CEP83: variants seen among roughly 807,000 people sequenced by gnomAD.
CEP83 encodes the protein centrosomal protein of 83 kDa.
In CEP83, 70 loss-of-function variants were observed where a neutral mutation model predicts 101.9. The observed-to-expected ratio is 0.69, with a 90% CI of 0.57 to 0.84. The LOEUF (loss-of-function observed/expected upper bound fraction) is 0.84, where lower values mean the gene tolerates loss of function less well. Among genes scored for constraint, CEP83 ranks in the 40% least tolerant of loss-of-function variants. The probability of loss-of-function intolerance (pLI) is 0.00; values close to 1 mark genes in which losing one functional copy is unlikely to be tolerated. For synonymous variants in CEP83, 264 were observed against 267.9 expected, an observed-to-expected ratio of 0.99 and a Z score of 0.14; for missense variants, 715 against 787.2, an observed-to-expected ratio of 0.91 and a Z score of 1.10.
chr12:94,417,135 G>A (rs933382801), intron 2 of CEP83, among the ~76,000 whole-genome samples: 4 of 150,906 alleles, frequency 2.7e-5, no homozygotes, highest in African/African-American at 9.7e-5. Flanking sequence ...GCAACACAGT[G>A]AGACCTTGTC....
chr12:94,295,110 C>G, the CEP83 span, among the ~76,000 whole-genome samples: 1 of 152,230 alleles, frequency 6.6e-6, no homozygotes, highest in Non-Finnish European at 1.5e-5. Flanking sequence ...AGGTTTGTCT[C>G]CAGAGAAATT....
chr12:94,376,111 A>T, intron 7 of CEP83, 94 bp from the exon 8 acceptor site: 2 of 766,704 alleles, frequency 2.6e-6, no homozygotes, highest in Non-Finnish European at 3.7e-6. Flanking sequence ...AATTATACTA[A>T]AATTATTCAA....
chr12:94,304,012 G>A (rs536797204), downstream of CEP83: 6 of 1,589,872 alleles, frequency 3.8e-6, no homozygotes, highest in South Asian at 1.1e-5. Context: ...AAGTGGCCTT[G>A]ACAGAAATTT....
At chr12:94,456,665 G>A (rs1399539820) in intron 1 of CEP83, among the ~76,000 whole-genome samples, 1 of 152,184 alleles carries the variant, frequency 6.6e-6, no homozygotes, top group Admixed American at 6.5e-5. Flanking sequence ...GATCTCATGA[G>A]AACTCACTGT....
At chr12:94,401,574 T>C (rs899291785) in intron 5 of CEP83, among the ~76,000 whole-genome samples, 4 of 152,084 alleles carry the variant, frequency 2.6e-5, no homozygotes, top group Non-Finnish European at 2.9e-5. Context: ...GCATTCTGAA[T>C]ACCCAACAAG....
At chr12:94,348,839 T>C (rs562198997) in intron 11 of CEP83, among the ~76,000 whole-genome samples, 1 of 152,304 alleles carries the variant, frequency 6.6e-6, no homozygotes, top group East Asian at 1.9e-4. Context: ...AACCAATGCG[T>C]CAAAAGTGGA....
chr12:94,331,302 A>AAAAAAAAAAAAAAG (rs2059197796), intron 14 of CEP83, among the ~76,000 whole-genome samples: 1 of 125,114 alleles, frequency 8.0e-6, no homozygotes, highest in African/African-American at 3.3e-5. Flanking sequence ...AAAAAAAAAA[A>AAAAAAAAAAAAAAG]AAAAAAAAAA....
chr12:94,312,231 T>C (rs1969974281), intron 15 of CEP83, among the ~76,000 whole-genome samples: 1 of 152,182 alleles, frequency 6.6e-6, no homozygotes, highest in South Asian at 2.1e-4. Context: ...TCTAGAATGT[T>C]CTTTAAAAAA....
intron 11 of CEP83, among the ~76,000 whole-genome samples, chr12:94,355,757 G>A (rs964573529): frequency 5.9e-5 from 9 of 152,212 alleles, no homozygotes; most frequent in Non-Finnish European, 1.2e-4. Flanking sequence ...GTGGAAAACC[G>A]CTTAAAAGCA....
intron 2 of CEP83, among the ~76,000 whole-genome samples, chr12:94,412,924 C>T (rs1033472815): frequency 6.6e-6 from 1 of 151,704 alleles, no homozygotes; most frequent in Non-Finnish European, 1.5e-5. Flanking sequence ...GCTATCTCGA[C>T]TCACTGCAAC....
chr12:94,440,212 A>G (rs564728259), intron 1 of CEP83, among the ~76,000 whole-genome samples: 1 of 152,356 alleles, frequency 6.6e-6, no homozygotes, highest in South Asian at 2.1e-4. Flanking sequence ...AAAGAAATCA[A>G]GAGCATCCAA....
intron 6 of CEP83, among the ~76,000 whole-genome samples, chr12:94,383,181 A>G (rs2061945765): frequency 6.6e-6 from 1 of 151,902 alleles, no homozygotes; most frequent in African/African-American, 2.4e-5. Flanking sequence ...TCTGATATTA[A>G]TACTGATGCT....
At chr12:94,270,341 G>A in the CEP83 span, among the ~76,000 whole-genome samples, 2 of 152,342 alleles carry the variant, frequency 1.3e-5, no homozygotes, top group East Asian at 3.9e-4. Flanking sequence ...ACAGTGCAGA[G>A]TGGAGTAGTT....
At chr12:94,356,963 C>T (rs557989058) in intron 11 of CEP83, among the ~76,000 whole-genome samples, 1 of 152,060 alleles carries the variant, frequency 6.6e-6, no homozygotes, top group Non-Finnish European at 1.5e-5. Context: ...TAGAGGTGTG[C>T]ACATTAGAGC....
At chr12:94,458,675 T>C (rs1594210249) in intron 1 of CEP83, among the ~76,000 whole-genome samples, 1 of 151,982 alleles carries the variant, frequency 6.6e-6, no homozygotes, top group Non-Finnish European at 1.5e-5. Flanking sequence ...GAGGCGGAGG[T>C]TGCAGTGAGC....
intron 7 of CEP83, among the ~76,000 whole-genome samples, chr12:94,376,738 T>C (rs200256120): frequency 0.024 from 2,477 of 103,896 alleles, 29 homozygotes; most frequent in Middle Eastern, 0.045. Flanking sequence ...CACACATATA[T>C]ATATATATAT....
chr12:94,344,608 T>C (rs533397721), intron 11 of CEP83, among the ~76,000 whole-genome samples: 28 of 152,070 alleles, frequency 1.8e-4, no homozygotes, highest in African/African-American at 6.7e-4. Context: ...TATTTAGAAA[T>C]AAAATTGAAT....
intron 4 of CEP83, among the ~76,000 whole-genome samples, chr12:94,406,415 A>G (rs980334978): frequency 4.9e-4 from 75 of 152,098 alleles, no homozygotes; most frequent in African/African-American, 1.8e-3. Flanking sequence ...AGTATCTAAC[A>G]TCCAATAAAA....
intron 2 of CEP83, among the ~76,000 whole-genome samples, chr12:94,416,990 A>G (rs1445507634): frequency 6.6e-6 from 1 of 152,016 alleles, no homozygotes; most frequent in Admixed American, 6.6e-5. Flanking sequence ...CCTCCCAAAA[A>G]AAACTAAGGT....
Sources: allele counts gnomAD v4.1 joint callset (sites outside exome capture counted in the v4.1 genomes callset), GRCh38; gene constraint gnomAD v4.1.1; transcripts MANE v1.5; gene names NCBI Gene and HGNC (gene_info 2026-07-23, HGNC 2026-07-21).